Variants in HS6ST3 observed in about 807,000 individuals in gnomAD.
The protein encoded by HS6ST3 is heparan sulfate 6-O-sulfotransferase 3, also known as heparan-sulfate 6-O-sulfotransferase 3.
HS6ST3 carries 12 observed loss-of-function variants against 36.7 expected under a neutral mutation model. That is an observed-to-expected ratio of 0.33 (90% CI 0.21 to 0.53). The LOEUF (loss-of-function observed/expected upper bound fraction) is 0.53, where lower values mean the gene tolerates loss of function less well. Ranked by LOEUF, HS6ST3 falls within the 20% of genes least tolerant of loss-of-function variation. HS6ST3 has a pLI of 0.95. For missense variants in HS6ST3, 584 were observed against 640.9 expected (o/e 0.91, Z 0.96); for synonymous variants, 240 against 257.5 (o/e 0.93, Z 0.65).
chr13:96,572,714 C>T (rs2056305248), intron 1 of HS6ST3, among the ~76,000 whole-genome samples: 1 of 151,806 alleles, frequency 6.6e-6, no homozygotes, highest in Non-Finnish European at 1.5e-5. Context: ...CTTGAAACAA[C>T]TTTTAACTCT....
At chr13:96,484,181 G>A (rs549953805) in intron 1 of HS6ST3, among the ~76,000 whole-genome samples, 29 of 151,996 alleles carry the variant, frequency 1.9e-4, no homozygotes, top group African/African-American at 7.0e-4. Context: ...GGTAAGAATT[G>A]TATATGTTTA....
chr13:96,809,923 G>A (rs1300901614), intron 1 of HS6ST3, among the ~76,000 whole-genome samples: 1 of 152,180 alleles, frequency 6.6e-6, no homozygotes, highest in Non-Finnish European at 1.5e-5. Context: ...ACAGGGCCTG[G>A]GGCCTGGGAT....
intron 1 of HS6ST3, among the ~76,000 whole-genome samples, chr13:96,520,517 C>A (rs1344896597): frequency 6.6e-6 from 1 of 151,990 alleles, no homozygotes; most frequent in Non-Finnish European, 1.5e-5. Flanking sequence ...TGTTTGTGTC[C>A]TTTCTTATTT....
intron 1 of HS6ST3, among the ~76,000 whole-genome samples, chr13:96,220,416 G>A (rs1280540774): frequency 4.6e-5 from 7 of 152,078 alleles, no homozygotes; most frequent in Non-Finnish European, 1.0e-4. Context: ...TTTTCTCTAA[G>A]GGTGTGAGGT....
intron 1 of HS6ST3, among the ~76,000 whole-genome samples, chr13:96,785,010 A>G (rs1352682345): frequency 6.6e-6 from 1 of 152,134 alleles, no homozygotes; most frequent in African/African-American, 2.4e-5. Context: ...TCTACGAAAA[A>G]TACAAAAAAT....
intron 1 of HS6ST3, among the ~76,000 whole-genome samples, chr13:96,332,381 G>T (rs560031009): frequency 3.9e-4 from 59 of 152,196 alleles, no homozygotes; most frequent in African/African-American, 1.4e-3. Flanking sequence ...GCTTACTAAC[G>T]GTAACCTTTG....
chr13:96,719,937 A>G (rs2138467885), intron 1 of HS6ST3, among the ~76,000 whole-genome samples: 1 of 152,142 alleles, frequency 6.6e-6, no homozygotes. Flanking sequence ...CTTCACAGGA[A>G]GCTGCATTTC....
intron 1 of HS6ST3, among the ~76,000 whole-genome samples, chr13:96,324,850 C>T (rs2055022652): frequency 6.6e-6 from 1 of 152,318 alleles, no homozygotes; most frequent in East Asian, 1.9e-4. Flanking sequence ...ATAACTGATA[C>T]CTTGATCTCA....
At chr13:96,344,163 A>G (rs1223115021) in intron 1 of HS6ST3, among the ~76,000 whole-genome samples, 6 of 152,222 alleles carry the variant, frequency 3.9e-5, no homozygotes, top group African/African-American at 1.4e-4. Context: ...AGCTCTTAAA[A>G]ATGTTAACAC....
At chr13:96,471,286 GTT>G (rs2055839039) in intron 1 of HS6ST3, among the ~76,000 whole-genome samples, 1 of 152,140 alleles carries the variant, frequency 6.6e-6, no homozygotes, top group Non-Finnish European at 1.5e-5. Flanking sequence ...TTCTTTCTAT[GTT>G]TTAGCCCAAT....
intron 1 of HS6ST3, among the ~76,000 whole-genome samples, chr13:96,793,169 C>T (rs1051475424): frequency 6.6e-6 from 1 of 152,056 alleles, no homozygotes; most frequent in Non-Finnish European, 1.5e-5. Context: ...CCCTTACAGT[C>T]TCAAAGTCCT....
At chr13:96,773,032 G>T (rs538270227) in intron 1 of HS6ST3, among the ~76,000 whole-genome samples, 89 of 152,316 alleles carry the variant, frequency 5.8e-4, no homozygotes, top group African/African-American at 1.9e-3. Context: ...TGGGGGAGGG[G>T]TGTGTCACCT....
At chr13:96,283,739 C>T (rs761885140) in intron 1 of HS6ST3, among the ~76,000 whole-genome samples, 1 of 152,110 alleles carries the variant, frequency 6.6e-6, no homozygotes, top group Non-Finnish European at 1.5e-5. Flanking sequence ...TTCTGTTACT[C>T]CTCCTTATGG....
intron 1 of HS6ST3, among the ~76,000 whole-genome samples, chr13:96,743,156 C>T (rs372308361): frequency 9.4e-4 from 143 of 152,146 alleles, no homozygotes; most frequent in Non-Finnish European, 1.4e-3. Context: ...GATCAGGTTC[C>T]GTTTTTATTA....
At chr13:96,200,763 A>G (rs2054337862) in intron 1 of HS6ST3, among the ~76,000 whole-genome samples, 1 of 152,200 alleles carries the variant, frequency 6.6e-6, no homozygotes, top group Non-Finnish European at 1.5e-5. Context: ...GTGGATGGCT[A>G]CAGAATATAC....
chr13:96,754,038 C>T (rs892027388), intron 1 of HS6ST3, among the ~76,000 whole-genome samples: 2 of 152,040 alleles, frequency 1.3e-5, no homozygotes, highest in Admixed American at 6.6e-5. Context: ...AGGCTGATCT[C>T]GAACTCCTGA....
intron 1 of HS6ST3, among the ~76,000 whole-genome samples, chr13:96,115,068 A>C (rs1192166032): frequency 1.3e-5 from 2 of 152,040 alleles, no homozygotes; most frequent in Non-Finnish European, 2.9e-5. Context: ...TCCTGCCTCC[A>C]TTTCTGTGTG....
chr13:96,666,935 A>T (rs1330128610), intron 1 of HS6ST3, among the ~76,000 whole-genome samples: 1 of 152,158 alleles, frequency 6.6e-6, no homozygotes, highest in Non-Finnish European at 1.5e-5. Context: ...ATCCATGATG[A>T]ACTATGCCAG....
chr13:96,239,037 T>C (rs936745442), intron 1 of HS6ST3, among the ~76,000 whole-genome samples: 3 of 152,278 alleles, frequency 2.0e-5, no homozygotes, highest in Admixed American at 2.0e-4. Context: ...AGGGCAATGA[T>C]ATGGACTGAG....
Sources: allele counts gnomAD v4.1 joint callset (sites outside exome capture counted in the v4.1 genomes callset), GRCh38; gene constraint gnomAD v4.1.1; transcripts MANE v1.5; gene names NCBI Gene and HGNC (gene_info 2026-07-23, HGNC 2026-07-21).